Variants in NUP98 observed in about 807,000 individuals in gnomAD.
The protein encoded by NUP98 is nuclear pore complex protein Nup98-Nup96.
Under a neutral mutation model 191.9 loss-of-function variants are expected in NUP98, and 26 were observed. The observed-to-expected ratio is 0.14, with a 90% CI of 0.10 to 0.19. The LOEUF (loss-of-function observed/expected upper bound fraction) is 0.19. NUP98 is among the 10% of genes least tolerant of loss of function. The pLI is 1.00. For synonymous variants in NUP98, 808 were observed against 778.4 expected (o/e 1.04, Z -0.63); for missense variants, 1,941 against 2,178.8 (o/e 0.89, Z 2.17).
rs192706752 is a variant in NUP98, at chr11:3,764,090, C to G, written c.949-1051G>C. 4.6e-3 allele frequency among the ~76,000 whole-genome samples: 705 copies of G among 152,274 alleles called. 9 individuals carry two copies. The highest frequency in any genetic ancestry group is 0.015 in the African/African-American group (603 of 41,556). ...CCTACTATCTAAATTCTTACACCCCCCAAAGAAATCCCAGACCCATCAGTG... is the reference window on the plus strand; with the variant it reads ...CCTACTATCTAAATTCTTACACCCCGCAAAGAAATCCCAGACCCATCAGTG... On this transcript the variant is annotated intron_variant, in intron 8 of 32. Coordinates refer to ENST00000324932, the MANE Select transcript of NUP98 (RefSeq NM_016320.5).
At chr11:3,719,081 C>T (rs2079293756) in intron 18 of NUP98, among the ~76,000 whole-genome samples, 1 of 151,330 alleles carries the variant, frequency 6.6e-6, no homozygotes, top group Non-Finnish European at 1.5e-5. Flanking sequence ...CATCATTCCA[C>T]TGCGCTCCAG....
At chr11:3,685,110 T>A (rs1564803381) in intron 29 of NUP98, among the ~76,000 whole-genome samples, 1 of 152,186 alleles carries the variant, frequency 6.6e-6, no homozygotes, top group Non-Finnish European at 1.5e-5. Flanking sequence ...AGTTAATATA[T>A]ATGGTATACA....
intron 1 of NUP98, among the ~76,000 whole-genome samples, chr11:3,784,476 C>T (rs1382291511): frequency 6.6e-6 from 1 of 151,770 alleles, no homozygotes; most frequent in Non-Finnish European, 1.5e-5. Flanking sequence ...TGGCTGGTTA[C>T]ACTGGCTCAC....
intron 30 of NUP98, among the ~76,000 whole-genome samples, chr11:3,682,730 G>C: frequency 6.6e-6 from 1 of 152,224 alleles, no homozygotes; most frequent in East Asian, 1.9e-4. Context: ...AGACAGACAT[G>C]AAGTAAACAT....
chr11:3,766,689 C>CAAAAAAA (rs544567161), intron 8 of NUP98, among the ~76,000 whole-genome samples: 965 of 58,778 alleles, frequency 0.016, 15 homozygotes, highest in African/African-American at 0.033. Context: ...AACTCCGTCT[C>CAAAAAAA]AAAAAAAAAA....
rs370041258 is a variant in NUP98, at chr11:3,773,744, A to G, written c.496-5T>C. ...AGTATCTGTACCAGTTGGAGGCTGCAAAGTTAAATAAAGGCAAATTTGTAG... is the reference window on the plus strand; with the variant it reads ...AGTATCTGTACCAGTTGGAGGCTGCGAAGTTAAATAAAGGCAAATTTGTAG... On this transcript the variant is annotated splice_region_variant and splice_polypyrimidine_tract_variant and intron_variant, in intron 5 of 32. Coordinates refer to ENST00000324932, the MANE Select transcript of NUP98 (RefSeq NM_016320.5). 2 of 1,589,784 alleles carry G rather than the reference A, an allele frequency of 1.3e-6. No individual in the cohort carries two copies. The highest frequency in any genetic ancestry group is 1.3e-5 in the African/African-American group (1 of 74,156).
intron 9 of NUP98, among the ~76,000 whole-genome samples, chr11:3,762,292 T>G (rs1175626380): frequency 1.3e-5 from 2 of 151,704 alleles, no homozygotes; most frequent in Non-Finnish European, 2.9e-5. Context: ...TTTTTTTTTT[T>G]TGTATTTTTA....
At chr11:3,781,229 A>G (rs907057634) in intron 2 of NUP98, among the ~76,000 whole-genome samples, 1 of 151,614 alleles carries the variant, frequency 6.6e-6, no homozygotes. Context: ...ATTAGAGAAA[A>G]GTTTCTGGGA....
intron 18 of NUP98, among the ~76,000 whole-genome samples, chr11:3,714,582 C>A (rs928001148): frequency 1.3e-5 from 2 of 152,082 alleles, no homozygotes; most frequent in Non-Finnish European, 2.9e-5. Flanking sequence ...CTTCCCGGAG[C>A]CCCTGGCAAA....
At chr11:3,679,812 C>T (rs919781772) in intron 30 of NUP98, 104 bp from the exon 31 acceptor site, 3 of 1,167,720 alleles carry the variant, frequency 2.6e-6, no homozygotes, top group Admixed American at 2.6e-5. Flanking sequence ...ATAATGTTGG[C>T]TGGACTTCAG....
chr11:3,734,863 T>C (rs1334276527), intron 13 of NUP98, among the ~76,000 whole-genome samples: 1 of 152,108 alleles, frequency 6.6e-6, no homozygotes, highest in Admixed American at 6.6e-5. Context: ...AGGAGTTCGA[T>C]ACTAGCAAGA....
intron 1 of NUP98, among the ~76,000 whole-genome samples, chr11:3,792,564 T>C (rs1259339128): frequency 2.6e-5 from 4 of 152,034 alleles, no homozygotes; most frequent in Non-Finnish European, 5.9e-5. Context: ...TGAGCCAAGA[T>C]TGTGCCACAA....
intron 20 of NUP98, chr11:3,712,361 G>A (rs528454413): frequency 7.2e-7 from 1 of 1,380,122 alleles, no homozygotes; most frequent in Admixed American, 3.3e-5. Context: ...CAAACAGCAA[G>A]AGAATTCTTT....
At chr11:3,767,439 C>G (rs1305321636) in intron 8 of NUP98, among the ~76,000 whole-genome samples, 1 of 151,756 alleles carries the variant, frequency 6.6e-6, no homozygotes, top group Non-Finnish European at 1.5e-5. Flanking sequence ...CAAGGCTATT[C>G]TTGTGCCTCA....
intron 12 of NUP98, among the ~76,000 whole-genome samples, chr11:3,741,185 AT>A (rs1227758250): frequency 6.6e-6 from 1 of 152,164 alleles, no homozygotes; most frequent in African/African-American, 2.4e-5. Flanking sequence ...CAAAACAAAA[AT>A]CATCCTGAAA....
intron 1 of NUP98, among the ~76,000 whole-genome samples, chr11:3,791,026 A>G (rs894124557): frequency 1.4e-4 from 22 of 151,752 alleles, no homozygotes; most frequent in Admixed American, 3.9e-4. Flanking sequence ...CTTCCGAGTA[A>G]CTGGGATTAC....
rs923606079 is a variant in NUP98 at position 3,722,105 on chromosome 11, C to CTT, written c.2146+1050_2146+1051dup. Among the ~76,000 whole-genome samples, 282 of 108,226 alleles carry CTT rather than the reference C, an allele frequency of 2.6e-3. 4 individuals are homozygous for CTT. Among genetic ancestry groups the CTT allele is most frequent in the Middle Eastern group, 4.7e-3 (1 of 212 alleles). 71.0% of individuals were successfully genotyped at this position (108,226 alleles called of 152,430 possible). A position where few individuals can be genotyped will look rare whatever the true frequency, so the allele number is the denominator to read the frequency against. ...AAATACAGATTAAGCACCTGGAATT[C>CTT]TTTTTTTTTTTTTTTTTTTTTTTAG... On this transcript the variant is annotated intron_variant, in intron 16 of 32. Transcript: ENST00000324932.
intron 14 of NUP98, among the ~76,000 whole-genome samples, chr11:3,730,985 G>A (rs967700580): frequency 4.6e-5 from 7 of 152,192 alleles, no homozygotes; most frequent in Admixed American, 2.6e-4. Context: ...AAAGTGGACT[G>A]GCTGGGCACA....
intron 23 of NUP98, among the ~76,000 whole-genome samples, chr11:3,701,391 A>C (rs1047959641): frequency 6.6e-6 from 1 of 150,722 alleles, no homozygotes; most frequent in African/African-American, 2.4e-5. Flanking sequence ...TCTCCTGAGT[A>C]GCTGGGATTA....
Sources: gnomAD v4.1 joint callset for allele counts (sites outside exome capture counted in the v4.1 genomes callset) on GRCh38, gnomAD v4.1.1 for gene constraint, MANE v1.5 for transcripts, NCBI Gene and HGNC (gene_info 2026-07-23, HGNC 2026-07-21) for gene names.